Variants in NT5C3B observed in about 807,000 individuals in gnomAD.
The protein encoded by NT5C3B is 5'-nucleotidase, cytosolic IIIB.
NT5C3B carries 28 observed loss-of-function variants against 32.5 expected under a neutral mutation model. The ratio of observed to expected loss-of-function variants is 0.86; its 90% CI spans 0.64 to 1.18. The LOEUF (loss-of-function observed/expected upper bound fraction) is 1.18. Ranked by LOEUF, NT5C3B falls within the 50% of genes most tolerant of loss-of-function variation. The pLI is 0.00. For synonymous variants in NT5C3B, 138 were observed against 118.0 expected (o/e 1.17, Z -1.10); for missense variants, 317 against 322.0 (o/e 0.98, Z 0.12).
At chr17:41,832,584 A>ATGGCCAGGGGCGGTGGC in intron 4 of NT5C3B, 107 bp from the exon 5 acceptor site, 1 of 830,442 alleles carries the variant, frequency 1.2e-6, no homozygotes, top group Non-Finnish European at 2.0e-6. Flanking sequence ...AGGCAACTTC[A>ATGGCCAGGGGCGGTGGC]TGGCCAGGGG....
chr17:41,825,419 C>T lies in NT5C3B; in HGVS notation c.*104G>A. On this transcript the variant is annotated 3_prime_UTR_variant, in exon 9 of 9. Coordinates refer to ENST00000435506, the MANE Select transcript of NT5C3B (RefSeq NM_052935.5). ...ACGGAGGGGCGCGGAAGGACCCAGC[C>T]ACTGCTGGCCACCCTGGCCTCTGCT... The T allele has an allele frequency of 1.4e-6, 1 of 721,922 alleles. No homozygotes were observed. The highest frequency in any genetic ancestry group is 2.3e-6 in the Non-Finnish European group (1 of 428,722). The allele number at this position is 721,922 out of a possible 1,614,324, so 44.7% of individuals were successfully genotyped here.
At chr17:41,832,552 T>A in intron 4 of NT5C3B, 75 bp from the exon 5 acceptor site, 2 of 1,405,318 alleles carry the variant, frequency 1.4e-6, no homozygotes, top group Non-Finnish European at 2.0e-6. Flanking sequence ...CAGCTTAGTA[T>A]GAGAAAAAAG....
intron 7 of NT5C3B, among the ~76,000 whole-genome samples, chr17:41,827,883 C>T (rs994271443): frequency 6.6e-6 from 1 of 152,202 alleles, no homozygotes; most frequent in Non-Finnish European, 1.5e-5. Context: ...CAAAGTTGGG[C>T]AGTTGCAACA....
chr17:41,832,992 A>G (rs984473531), intron 4 of NT5C3B, among the ~76,000 whole-genome samples: 1 of 152,230 alleles, frequency 6.6e-6, no homozygotes, highest in Admixed American at 6.5e-5. Context: ...ATCTTCCAAC[A>G]TAATCGCTCA....
In NT5C3B at chr17:41,835,200, T is replaced by C. The variant is rs1555619684; in HGVS notation, c.181+3A>G. The stretch of plus-strand genomic sequence containing the variant: ...CAACAAGGGAAGCTAGAATGTGACT[T>C]ACTGTAAGAAGAAGGGCATCGCTTT... On this transcript the variant is annotated splice_donor_region_variant and intron_variant, in intron 3 of 8. Coordinates refer to ENST00000435506, the MANE Select transcript of NT5C3B (RefSeq NM_052935.5). The C allele has an allele frequency of 6.2e-7, 1 of 1,614,018 alleles. No homozygotes were observed. The highest frequency in any genetic ancestry group is 8.5e-7 in the Non-Finnish European group (1 of 1,179,874).
chr17:41,825,387 AAGG>A lies in NT5C3B; in HGVS notation c.*133_*135del, dbSNP rs1342006017. 7.4e-5 allele frequency: 48 copies of A among 648,200 alleles called. No individual in the cohort carries two copies. The East Asian group carries it at 1.3e-3, about 17-fold the overall frequency. The allele number at this position is 648,200 out of a possible 1,614,324, so 40.2% of individuals were successfully genotyped here. The stretch of plus-strand genomic sequence containing the variant: ...CTCTGGTGATGAAGGTGCTCAGGGA[AAGG>A]AGGACGGAGGGGCGCGGAAGGACCC... On this transcript the variant is annotated 3_prime_UTR_variant, in exon 9 of 9. Coordinates refer to ENST00000435506, the MANE Select transcript of NT5C3B (RefSeq NM_052935.5).
chr17:41,830,797 T>G lies in NT5C3B; in HGVS notation c.404+4A>C, dbSNP rs782628831. Reference sequence around the variant, plus strand: ...AGAAATGTTTTCCAGAGCAAGACGCTTACCTGAGCATTGCATTGGACTCTC... The same window carrying G: ...AGAAATGTTTTCCAGAGCAAGACGCGTACCTGAGCATTGCATTGGACTCTC... On this transcript the variant is annotated splice_donor_region_variant and intron_variant, in intron 6 of 8. Transcript: ENST00000435506. The G allele has an allele frequency of 6.3e-6, 10 of 1,582,530 alleles. No individual in the cohort carries two copies. The South Asian group carries it at 1.0e-4, about 16-fold the overall frequency.
intron 5 of NT5C3B, among the ~76,000 whole-genome samples, chr17:41,832,074 A>G (rs1269916721): frequency 6.6e-6 from 1 of 152,098 alleles, no homozygotes; most frequent in Non-Finnish European, 1.5e-5. Flanking sequence ...GAAAAAATAT[A>G]TAATTCACCT....
intron 6 of NT5C3B, 94 bp from the exon 7 acceptor site, chr17:41,829,046 G>T: frequency 8.8e-7 from 1 of 1,142,750 alleles, no homozygotes; most frequent in Non-Finnish European, 1.3e-6. Flanking sequence ...TTGTGAGACA[G>T]GGTCTTGCTC....
intron 7 of NT5C3B, 91 bp downstream of exon 7, chr17:41,828,699 T>C (rs1007605527): frequency 8.2e-7 from 1 of 1,219,672 alleles, no homozygotes; most frequent in Middle Eastern, 2.0e-4. Flanking sequence ...CCTCCCCTTC[T>C]TCCCCAGGTT....
chr17:41,836,089 C>A, intron 1 of NT5C3B, 93 bp downstream of exon 1: 1 of 1,348,932 alleles, frequency 7.4e-7, no homozygotes, highest in Non-Finnish European at 9.5e-7. Context: ...CTGGGTGAAG[C>A]GGCGGTGCCT....
At chr17:41,828,318 G>A (rs1476437417) in intron 7 of NT5C3B, 1 of 156,156 alleles carries the variant, frequency 6.4e-6, no homozygotes, top group African/African-American at 2.4e-5. Flanking sequence ...CAAAGAGAGA[G>A]GATCCTTTGA....
chr17:41,828,678 A>T, intron 7 of NT5C3B, 112 bp downstream of exon 7: 1 of 987,920 alleles, frequency 1.0e-6, no homozygotes, highest in Non-Finnish European at 1.5e-6. Flanking sequence ...TGAAGAAGCT[A>T]GAGTGGCTTC....
intron 8 of NT5C3B, 118 bp downstream of exon 8, chr17:41,827,303 AAAAAT>A (rs1239625762): frequency 9.0e-6 from 4 of 446,392 alleles, no homozygotes; most frequent in African/African-American, 2.1e-5. Context: ...CGTCTCAAAA[AAAAAT>A]AAAATAAAAT....
chr17:41,828,513 T>A (rs1555618538), intron 7 of NT5C3B: 4 of 271,792 alleles, frequency 1.5e-5, no homozygotes, highest in Non-Finnish European at 1.4e-5. Flanking sequence ...ATTTCTGTAT[T>A]TTTAGTACAG....
In NT5C3B at chr17:41,827,352, T is replaced by C. The variant is rs1006442247; in HGVS notation, c.768+74A>G. 8.2e-6 allele frequency: 6 copies of C among 735,766 alleles called. No individual in the cohort carries two copies. The African/African-American group carries it at 8.8e-5, about 11-fold the overall frequency. The allele number at this position is 735,766 out of a possible 1,614,324, so 45.6% of individuals were successfully genotyped here. A position where few individuals can be genotyped will look rare whatever the true frequency, so the allele number is the denominator to read the frequency against. On this transcript the variant is annotated intron_variant, in intron 8 of 8. Transcript: ENST00000435506. ...AATAGAAATAAAAAAAGAGAATGTG[T>C]TCAAAGGCATTTGTTAATGGGCATT...
chr17:41,829,499 T>C (rs1555618745), intron 6 of NT5C3B, among the ~76,000 whole-genome samples: 1 of 152,250 alleles, frequency 6.6e-6, no homozygotes, highest in East Asian at 1.9e-4. Flanking sequence ...CCTCGTGATC[T>C]CTCCCAGTCA....
At chr17:41,830,768 T>G (rs781855796) in intron 6 of NT5C3B, 33 bp downstream of exon 6, 2 of 1,429,424 alleles carry the variant, frequency 1.4e-6, no homozygotes, top group South Asian at 2.3e-5. Context: ...CTAAATAGTC[T>G]GATAGAAATG....
At chr17:41,829,388 C>T (rs1048152483) in intron 6 of NT5C3B, among the ~76,000 whole-genome samples, 5 of 152,094 alleles carry the variant, frequency 3.3e-5, no homozygotes, top group African/African-American at 1.2e-4. Flanking sequence ...ATAGAGCATA[C>T]GATATATTCA....
Sources: allele counts gnomAD v4.1 joint callset (sites outside exome capture counted in the v4.1 genomes callset), GRCh38; gene constraint gnomAD v4.1.1; transcripts MANE v1.5; gene names NCBI Gene and HGNC (gene_info 2026-07-23, HGNC 2026-07-21).